Variants in SORCS3 observed in about 807,000 individuals in gnomAD.
SORCS3 encodes VPS10 domain-containing receptor SorCS3.
SORCS3 carries 57 observed loss-of-function variants against 146.3 expected under a neutral mutation model. The ratio of observed to expected loss-of-function variants is 0.39; its 90% CI spans 0.31 to 0.49. The LOEUF (loss-of-function observed/expected upper bound fraction) is 0.49, where lower values mean the gene tolerates loss of function less well. Among genes scored for constraint, SORCS3 ranks in the 20% least tolerant of loss-of-function variants. The pLI, the probability that SORCS3 is intolerant of heterozygous loss-of-function variation, is 0.92. For synonymous variants in SORCS3, 653 were observed against 618.5 expected (o/e 1.06, Z -0.83); for missense variants, 1,341 against 1,575.5 (o/e 0.85, Z 2.52).
At chr10:105,025,827 T>G (rs987595343) in intron 4 of SORCS3, among the ~76,000 whole-genome samples, 2 of 122,458 alleles carry the variant, frequency 1.6e-5, no homozygotes, top group Non-Finnish European at 3.2e-5. Flanking sequence ...TTTATAATTA[T>G]GTCTTCTCAA....
At chr10:105,187,230 A>G (rs1295389571) in intron 14 of SORCS3, among the ~76,000 whole-genome samples, 17 of 151,848 alleles carry the variant, frequency 1.1e-4, no homozygotes, top group Non-Finnish European at 5.9e-5. Context: ...TTCCCCCCAT[A>G]TTTATTTTCA....
intron 2 of SORCS3, among the ~76,000 whole-genome samples, chr10:104,863,759 T>A (rs1358765227): frequency 6.6e-6 from 1 of 152,240 alleles, no homozygotes; most frequent in Non-Finnish European, 1.5e-5. Context: ...TCCCTAGCTT[T>A]GCAGTGGTGG....
At chr10:105,250,133 G>A (rs991512707) in intron 22 of SORCS3, among the ~76,000 whole-genome samples, 1 of 152,102 alleles carries the variant, frequency 6.6e-6, no homozygotes, top group Non-Finnish European at 1.5e-5. Flanking sequence ...TCACATGGTG[G>A]AAAGGGCAAG....
chr10:105,018,962 T>A (rs2055183726), intron 4 of SORCS3, among the ~76,000 whole-genome samples: 1 of 152,164 alleles, frequency 6.6e-6, no homozygotes, highest in Non-Finnish European at 1.5e-5. Context: ...TGTCACTATC[T>A]TGGGACTTCC....
intron 6 of SORCS3, among the ~76,000 whole-genome samples, chr10:105,097,900 A>G (rs912565027): frequency 6.6e-6 from 1 of 152,204 alleles, no homozygotes; most frequent in Non-Finnish European, 1.5e-5. Flanking sequence ...GACATTCTAG[A>G]AATGTGCAGA....
In SORCS3 at chr10:104,828,359, G is replaced by A. The variant is rs146228949; in HGVS notation, c.628-14433G>A. ...GTGTCTCAGAGAATGGGGGCATGTG[G>A]GCTGAGGAGAAGGAGAGAGATGGGG... On this transcript the variant is annotated intron_variant, in intron 1 of 26. Coordinates refer to ENST00000369701, the MANE Select transcript of SORCS3 (RefSeq NM_014978.3). Among the ~76,000 whole-genome samples, 912 of 152,238 alleles carry A rather than the reference G, an allele frequency of 6.0e-3. 16 individuals carry two copies. The highest frequency in any genetic ancestry group is 0.02 in the African/African-American group (851 of 41,534).
At chr10:105,172,281 G>C (rs1320804074) in intron 13 of SORCS3, among the ~76,000 whole-genome samples, 5 of 152,090 alleles carry the variant, frequency 3.3e-5, no homozygotes, top group Non-Finnish European at 5.9e-5. Flanking sequence ...TTATTCATTT[G>C]TTCATTTATT....
At chr10:104,694,226 A>T (rs1475976401) in intron 1 of SORCS3, among the ~76,000 whole-genome samples, 1 of 151,520 alleles carries the variant, frequency 6.6e-6, no homozygotes, top group Non-Finnish European at 1.5e-5. Context: ...CAAGTTTTAA[A>T]GGTGAGATGC....
At chr10:104,737,408 G>C (rs890932790) in intron 1 of SORCS3, among the ~76,000 whole-genome samples, 1 of 152,152 alleles carries the variant, frequency 6.6e-6, no homozygotes, top group Non-Finnish European at 1.5e-5. Flanking sequence ...GTGTCAAAGT[G>C]TTCCTATTTC....
chr10:104,771,323 G>T (rs752933510), intron 1 of SORCS3, among the ~76,000 whole-genome samples: 16 of 152,182 alleles, frequency 1.1e-4, no homozygotes, highest in Non-Finnish European at 1.3e-4. Flanking sequence ...CTTGAATTCT[G>T]TGTGGATGTT....
chr10:105,199,852 T>G (rs1171250940), intron 14 of SORCS3, 147 bp from the exon 15 acceptor site: 1 of 630,542 alleles, frequency 1.6e-6, no homozygotes, highest in African/African-American at 1.8e-5. Flanking sequence ...GACTTTCTCC[T>G]TAATGGCCCT....
intron 1 of SORCS3, among the ~76,000 whole-genome samples, chr10:104,819,338 T>C (rs2133526952): frequency 6.6e-6 from 1 of 152,302 alleles, no homozygotes; most frequent in East Asian, 1.9e-4. Context: ...TGACAGATTC[T>C]TACCTGTTGT....
At chr10:104,913,950 G>A (rs1343515387) in intron 2 of SORCS3, among the ~76,000 whole-genome samples, 2 of 151,796 alleles carry the variant, frequency 1.3e-5, no homozygotes, top group African/African-American at 4.8e-5. Flanking sequence ...TATATTTTTA[G>A]TAGAGACGGG....
At chr10:105,013,431 C>A (rs1589593849) in intron 4 of SORCS3, among the ~76,000 whole-genome samples, 1 of 151,940 alleles carries the variant, frequency 6.6e-6, no homozygotes, top group African/African-American at 2.4e-5. Flanking sequence ...ATCTTCTATA[C>A]ATAATATGAT....
intron 1 of SORCS3, among the ~76,000 whole-genome samples, chr10:104,711,641 C>T (rs2016417742): frequency 6.6e-6 from 1 of 152,240 alleles, no homozygotes; most frequent in Admixed American, 6.5e-5. Context: ...GGCAATTTCC[C>T]AGCACCAAGT....
At chr10:104,952,014 G>A (rs537619987) in intron 3 of SORCS3, among the ~76,000 whole-genome samples, 16 of 151,248 alleles carry the variant, frequency 1.1e-4, no homozygotes, top group African/African-American at 3.4e-4. Flanking sequence ...AAGTCACTAA[G>A]CAAGTTAGCA....
intron 3 of SORCS3, among the ~76,000 whole-genome samples, chr10:104,960,336 T>C (rs968023488): frequency 2.6e-5 from 4 of 152,164 alleles, no homozygotes; most frequent in Non-Finnish European, 5.9e-5. Flanking sequence ...CTGTTTTAGT[T>C]CATTATCTGT....
intron 1 of SORCS3, among the ~76,000 whole-genome samples, chr10:104,733,632 A>G (rs2016734589): frequency 6.6e-6 from 1 of 151,718 alleles, no homozygotes; most frequent in Admixed American, 6.6e-5. Flanking sequence ...TACGGAGATC[A>G]GAGACTTGCC....
chr10:104,967,366 C>A (rs2133639743), intron 3 of SORCS3, among the ~76,000 whole-genome samples: 1 of 152,234 alleles, frequency 6.6e-6, no homozygotes. Flanking sequence ...TAAATTATGG[C>A]AAACAAACAC....
Sources: allele counts gnomAD v4.1 joint callset (sites outside exome capture counted in the v4.1 genomes callset), GRCh38; gene constraint gnomAD v4.1.1; transcripts MANE v1.5; gene names NCBI Gene and HGNC (gene_info 2026-07-23, HGNC 2026-07-21).